The following LGSN variants were observed in gnomAD, a reference collection of about 807,000 sequenced individuals.
LGSN encodes lengsin, lens protein with glutamine synthetase domain.
In LGSN, 21 loss-of-function variants were observed where a neutral mutation model predicts 19.5. The observed-to-expected ratio is 1.07, with a 90% CI of 0.76 to 1.55. The LOEUF is 1.55. Ranked by LOEUF, LGSN falls within the 40% of genes most tolerant of loss-of-function variation. The pLI is 0.00. For synonymous variants in LGSN, 257 were observed against 215.6 expected, an observed-to-expected ratio of 1.19 and a Z score of -1.68; for missense variants, 673 against 608.5, an observed-to-expected ratio of 1.11 and a Z score of -1.12.
the LGSN span, among the ~76,000 whole-genome samples, chr6:63,359,332 A>T: frequency 2.4e-3 from 368 of 152,304 alleles, 2 homozygotes; most frequent in African/African-American, 8.4e-3. Context: ...TGGTATCAGG[A>T]AGATGCTGGC....
chr6:63,288,948 A>C (rs913357360), intron 2 of LGSN, among the ~76,000 whole-genome samples: 3 of 152,218 alleles, frequency 2.0e-5, no homozygotes, highest in African/African-American at 7.2e-5. Flanking sequence ...TCATTTTAAC[A>C]ATTTTGGAGG....
At chr6:63,465,319 T>C in the LGSN span, among the ~76,000 whole-genome samples, 1 of 151,922 alleles carries the variant, frequency 6.6e-6, no homozygotes, top group Non-Finnish European at 1.5e-5. Flanking sequence ...TAGCTGGGAT[T>C]ACAGGCACCC....
At chr6:63,531,666 C>CT in the LGSN span, among the ~76,000 whole-genome samples, 2 of 151,652 alleles carry the variant, frequency 1.3e-5, no homozygotes, top group Non-Finnish European at 2.9e-5. Flanking sequence ...ATATTTCATA[C>CT]TTTTTTGTAG....
At chr6:63,466,204 C>T in the LGSN span, among the ~76,000 whole-genome samples, 1 of 152,202 alleles carries the variant, frequency 6.6e-6, no homozygotes, top group East Asian at 1.9e-4. Context: ...CCAGCCAAGA[C>T]TGCCTCTTAA....
the LGSN span, among the ~76,000 whole-genome samples, chr6:63,461,042 A>G: frequency 6.6e-6 from 1 of 152,116 alleles, no homozygotes; most frequent in Non-Finnish European, 1.5e-5. Flanking sequence ...GCCATCTTGT[A>G]TCGTAAATGT....
In LGSN at chr6:63,280,623, C is replaced by A; in HGVS notation, c.928G>T (p.Asp310Tyr). Residue 310 changes from aspartate to tyrosine, a missense_variant, in exon 4 of 4, where the codon GAT (aspartate) becomes TAT (tyrosine). Physicochemically the swap from Asp to Tyr is radical, Grantham distance 160 (BLOSUM62 -3). Transcript: ENST00000370657. The part of the protein sequence containing the change: ...ASFFIETGFC[D>Y]SGILSHSLWD... Reference sequence around the variant, plus strand: ...AGACTATGAGACAAAATCCCTGAATCACAAAATCCAGTCTCAATGAAGAAG... The same window carrying A: ...AGACTATGAGACAAAATCCCTGAATAACAAAATCCAGTCTCAATGAAGAAG... 1.2e-6 allele frequency: 2 copies of A among 1,614,048 alleles called. No individual in the cohort carries two copies. Among genetic ancestry groups the A allele is most frequent in the Non-Finnish European group, 1.7e-6 (2 of 1,180,034 alleles).
At chr6:63,464,501 C>G in the LGSN span, among the ~76,000 whole-genome samples, 1 of 148,938 alleles carries the variant, frequency 6.7e-6, no homozygotes, top group Non-Finnish European at 1.5e-5. Flanking sequence ...AAGTACCTAG[C>G]CTCACTTAGC....
At chr6:63,434,249 G>A in the LGSN span, among the ~76,000 whole-genome samples, 4 of 152,018 alleles carry the variant, frequency 2.6e-5, no homozygotes, top group Non-Finnish European at 5.9e-5. Context: ...GCCCAGCCTG[G>A]CCAACATGGT....
the LGSN span, among the ~76,000 whole-genome samples, chr6:63,498,797 A>T: frequency 6.6e-6 from 1 of 151,960 alleles, no homozygotes; most frequent in Non-Finnish European, 1.5e-5. Flanking sequence ...TTTATGGGAA[A>T]CTCTTCCCAA....
At chr6:63,487,955 G>A in the LGSN span, among the ~76,000 whole-genome samples, 1 of 151,444 alleles carries the variant, frequency 6.6e-6, no homozygotes, top group African/African-American at 2.4e-5. Flanking sequence ...ATTCCAGCCC[G>A]GGCAACAGAG....
chr6:63,360,105 T>C, the LGSN span, among the ~76,000 whole-genome samples: 1 of 152,224 alleles, frequency 6.6e-6, no homozygotes, highest in Non-Finnish European at 1.5e-5. Flanking sequence ...ATTTTTTCCT[T>C]CATTTCAACT....
the LGSN span, among the ~76,000 whole-genome samples, chr6:63,347,622 G>A: frequency 1.3e-5 from 2 of 152,126 alleles, no homozygotes; most frequent in Non-Finnish European, 2.9e-5. Context: ...TAAAAGGCTA[G>A]AGAGGTCTCT....
At chr6:63,545,524 T>A in the LGSN span, among the ~76,000 whole-genome samples, 5 of 151,984 alleles carry the variant, frequency 3.3e-5, no homozygotes, top group African/African-American at 4.8e-5. Context: ...GGCAGGAGAA[T>A]TGCTTGAACC....
chr6:63,338,849 A>G, the LGSN span, among the ~76,000 whole-genome samples: 2 of 152,108 alleles, frequency 1.3e-5, no homozygotes, highest in Non-Finnish European at 2.9e-5. Flanking sequence ...TGTATTTCAT[A>G]GGATTTGTTG....
chr6:63,412,632 G>A, the LGSN span, among the ~76,000 whole-genome samples: 1 of 137,904 alleles, frequency 7.3e-6, no homozygotes, highest in Non-Finnish European at 1.5e-5. Context: ...AGAAGGGAAA[G>A]AAAGGGAAGG....
the LGSN span, among the ~76,000 whole-genome samples, chr6:63,496,254 C>T: frequency 6.6e-6 from 1 of 152,190 alleles, no homozygotes; most frequent in Non-Finnish European, 1.5e-5. Context: ...GGCTATTTAA[C>T]TCATATTGTT....
chr6:63,310,698 A>C (rs1418717624), intron 1 of LGSN, among the ~76,000 whole-genome samples: 1 of 152,188 alleles, frequency 6.6e-6, no homozygotes, highest in South Asian at 2.1e-4. Flanking sequence ...TCTTTTTTAC[A>C]TTATTAACTA....
chr6:63,473,311 A>G, the LGSN span, among the ~76,000 whole-genome samples: 3 of 151,756 alleles, frequency 2.0e-5, no homozygotes. Flanking sequence ...TGTCTCTACT[A>G]AAAACACAAA....
the LGSN span, among the ~76,000 whole-genome samples, chr6:63,434,507 C>T: frequency 6.7e-6 from 1 of 150,182 alleles, no homozygotes; most frequent in African/African-American, 2.4e-5. Context: ...GTCTGTAATC[C>T]CAGCACTTTG....
Sources: allele counts gnomAD v4.1 joint callset (sites outside exome capture counted in the v4.1 genomes callset), GRCh38; gene constraint gnomAD v4.1.1; transcripts MANE v1.5; gene names NCBI Gene and HGNC (gene_info 2026-07-23, HGNC 2026-07-21).